PGLYRP4: variants seen among roughly 807,000 people sequenced by gnomAD.
PGLYRP4 encodes the protein peptidoglycan recognition protein 4.
In PGLYRP4, 39 loss-of-function variants were observed where a neutral mutation model predicts 41.2. That is an observed-to-expected ratio of 0.95 (90% CI 0.73 to 1.24). PGLYRP4 has a LOEUF of 1.24. Among genes scored for constraint, PGLYRP4 ranks in the 50% most tolerant of loss-of-function variants. The pLI is 0.00. For synonymous variants in PGLYRP4, 202 were observed against 186.8 expected (o/e 1.08, Z -0.66); for missense variants, 467 against 460.7 (o/e 1.01, Z -0.13).
Position 153,330,684 on chromosome 1 carries a change from G to C in PGLYRP4, c.*83C>G. The C allele has an allele frequency of 8.3e-7, 1 of 1,205,442 alleles. No individual in the cohort carries two copies. The highest frequency in any genetic ancestry group is 2.3e-5 in the East Asian group (1 of 42,602). The allele number at this position is 1,205,442 out of a possible 1,614,324, so 74.7% of individuals were successfully genotyped here. A position where few individuals can be genotyped will look rare whatever the true frequency, so the allele number is the denominator to read the frequency against. On this transcript the variant is annotated 3_prime_UTR_variant, in exon 9 of 9. Transcript: ENST00000359650. ...TGTGTGGCAGGGGAGGAGGGCAAAA[G>C]GTGTTGAGCCAAGCTGGATGGTTAG... is the stretch of plus-strand genomic sequence containing the variant.
chr1:153,339,519 T>C (rs1485631763), intron 7 of PGLYRP4, among the ~76,000 whole-genome samples: 1 of 152,234 alleles, frequency 6.6e-6, no homozygotes, highest in African/African-American at 2.4e-5. Context: ...ATATGCCAAA[T>C]GGTCTACCAG....
At chr1:153,332,175 A>C (rs927460083) in intron 8 of PGLYRP4, among the ~76,000 whole-genome samples, 4 of 152,172 alleles carry the variant, frequency 2.6e-5, no homozygotes, top group Non-Finnish European at 5.9e-5. Context: ...CACTATATCA[A>C]GTAAAACAGA....
chr1:153,347,695 G>GTTGT (rs1285574121), intron 2 of PGLYRP4, among the ~76,000 whole-genome samples, 189 bp downstream of exon 2: 1 of 150,306 alleles, frequency 6.7e-6, no homozygotes, highest in Non-Finnish European at 1.5e-5. Context: ...TTTTTTTGTT[G>GTTGT]TTGTTTGTTT....
At chr1:153,340,319 T>A in intron 7 of PGLYRP4, 62 bp downstream of exon 7, 1 of 1,470,140 alleles carries the variant, frequency 6.8e-7, no homozygotes, top group Middle Eastern at 1.7e-4. Context: ...TTCCCCTTCC[T>A]TTCAAAGGCT....
Position 153,330,798 on chromosome 1 carries a change from A to G in PGLYRP4, c.1091T>C (p.Ile364Thr), listed in dbSNP as rs1660304248. Residue 364 changes from isoleucine (I) to threonine (T), a missense_variant, in exon 9 of 9, where the codon ATC (isoleucine) becomes ACC (threonine). Coordinates refer to ENST00000359650, the MANE Select transcript of PGLYRP4 (RefSeq NM_020393.4). ...TTTGAAATGAGGCCAGGTGCTGATG[A>G]TGTTGTACAAAGCCTGCCCAGGAGA... ...TLSPGQALYN[I>T]ISTWPHFKH is the part of the protein sequence containing the mutation. The G allele has an allele frequency of 6.2e-7, 1 of 1,613,878 alleles. No individual in the cohort carries two copies. The highest frequency in any genetic ancestry group is 8.5e-7 in the Non-Finnish European group (1 of 1,179,920).
chr1:153,347,593 C>T (rs1356341790), intron 2 of PGLYRP4, among the ~76,000 whole-genome samples: 1 of 152,142 alleles, frequency 6.6e-6, no homozygotes, highest in South Asian at 2.1e-4. Context: ...AGGATGGTCT[C>T]GATCTCTTAA....
At chr1:153,332,033 A>G (rs774199591) in intron 8 of PGLYRP4, among the ~76,000 whole-genome samples, 1 of 152,014 alleles carries the variant, frequency 6.6e-6, no homozygotes, top group Non-Finnish European at 1.5e-5. Context: ...ACTAATGAAT[A>G]AAAACACAAA....
chr1:153,338,938 T>C (rs1660682746), intron 7 of PGLYRP4, among the ~76,000 whole-genome samples: 1 of 152,240 alleles, frequency 6.6e-6, no homozygotes, highest in African/African-American at 2.4e-5. Context: ...AAGAACCATA[T>C]CTGTGAGGCA....
intron 8 of PGLYRP4, 152 bp downstream of exon 8, chr1:153,337,029 A>G: frequency 1.4e-6 from 1 of 724,296 alleles, no homozygotes; most frequent in Admixed American, 2.1e-5. Context: ...CTCTGGTCAC[A>G]CTCAGCTGAG....
At position 153,343,105 on chromosome 1, in the gene PGLYRP4, A is replaced by C. The variant is rs752586278; in HGVS notation, c.457T>G (p.Phe153Val). ...TAACTGTTACCTTTCTTAGTGCCAAAGAAGGCAAAGCCCAGGGAGATGTTG... is the reference window on the plus strand; with the variant it reads ...TAACTGTTACCTTTCTTAGTGCCAACGAAGGCAAAGCCCAGGGAGATGTTG... ...YNNISLGFAF[F>V]GTKKGHSPSP... Residue 153 changes from phenylalanine (F) to valine (V), a missense_variant, in exon 5 of 9, where the codon TTT becomes GTT. Physicochemically the swap from Phe to Val is conservative, Grantham distance 50 (BLOSUM62 -1). Coordinates refer to ENST00000359650, the MANE Select transcript of PGLYRP4 (RefSeq NM_020393.4). 12 of 1,609,882 alleles carry C rather than the reference A, an allele frequency of 7.5e-6. No homozygotes were observed. In the South Asian group the frequency reaches 1.3e-4, roughly 18 times the overall value.
chr1:153,341,289 T>C (rs1226610736), intron 6 of PGLYRP4, among the ~76,000 whole-genome samples: 1 of 152,258 alleles, frequency 6.6e-6, no homozygotes, highest in Non-Finnish European at 1.5e-5. Context: ...TGAAACTTCA[T>C]GAGGCCAGGG....
At position 153,345,186 on chromosome 1, in the gene PGLYRP4, C is replaced by T; in HGVS notation, c.336G>A (p.Gly112=). ...GCTCTTACTTGTAGGCCACATCACA[C>T]CCACTGTTGTTGTGGACATGATGGG... ...LQAHHVHNNS[G]CDVAYNFLVG... is the part of the protein sequence containing the mutation. Residue 112 remains glycine (G), a synonymous_variant, in exon 4 of 9, where the codon GGG becomes GGA. Transcript: ENST00000359650. 1.2e-6 allele frequency: 2 copies of T among 1,612,018 alleles called. No individual in the cohort carries two copies. The highest frequency in any genetic ancestry group is 1.7e-6 in the Non-Finnish European group (2 of 1,179,430).
intron 6 of PGLYRP4, among the ~76,000 whole-genome samples, chr1:153,341,287 C>A (rs1308824102): frequency 2.0e-5 from 3 of 152,216 alleles, no homozygotes; most frequent in Admixed American, 2.0e-4. Flanking sequence ...ACTGAAACTT[C>A]ATGAGGCCAG....
At chr1:153,334,479 T>C (rs1660467619) in intron 8 of PGLYRP4, among the ~76,000 whole-genome samples, 1 of 145,784 alleles carries the variant, frequency 6.9e-6, no homozygotes, top group East Asian at 2.0e-4. Flanking sequence ...TATATATATT[T>C]ATATATATAT....
intron 8 of PGLYRP4, among the ~76,000 whole-genome samples, chr1:153,334,294 T>C (rs1489135894): frequency 6.6e-6 from 1 of 151,466 alleles, no homozygotes; most frequent in African/African-American, 2.4e-5. Flanking sequence ...CAATTCCATA[T>C]ACAATAGCTA....
intron 1 of PGLYRP4, 51 bp from the exon 2 acceptor site, chr1:153,348,029 C>T: frequency 2.0e-6 from 2 of 1,018,126 alleles, no homozygotes; most frequent in South Asian, 1.4e-5. Context: ...ATCTGCAGAG[C>T]ATCCCAAACC....
In PGLYRP4 at chr1:153,341,751, C is replaced by T. The variant is rs146158865; in HGVS notation, c.501G>A (p.Ser167=). The change falls in exon 6 of 9, where the codon TCG becomes TCA. Residue 167 remains serine, a synonymous_variant. Transcript: ENST00000359650. ...CATAGGTGATTAGGTTTTCCATGGC[C>T]GACAGGGCAGCAGGGCTGGGACTGT... ...KGHSPSPAAL[S]AMENLITYAV... The T allele has an allele frequency of 2.4e-5, 38 of 1,613,736 alleles. No individual in the cohort carries two copies. The highest frequency in any genetic ancestry group is 4.0e-5 in the African/African-American group (3 of 74,914).
intron 1 of PGLYRP4, among the ~76,000 whole-genome samples, chr1:153,348,186 AC>A (rs2101583568): frequency 6.6e-6 from 1 of 152,316 alleles, no homozygotes; most frequent in African/African-American, 2.4e-5. Flanking sequence ...CAATTTCATC[AC>A]GTGCCCACGG....
intron 8 of PGLYRP4, among the ~76,000 whole-genome samples, chr1:153,333,679 C>T (rs1173823397): frequency 1.3e-5 from 2 of 152,100 alleles, no homozygotes; most frequent in East Asian, 1.9e-4. Flanking sequence ...AAAAATCTAG[C>T]GAACTAAATC....
Sources: gnomAD v4.1 joint callset for allele counts (sites outside exome capture counted in the v4.1 genomes callset) on GRCh38, gnomAD v4.1.1 for gene constraint, MANE v1.5 for transcripts, NCBI Gene and HGNC (gene_info 2026-07-23, HGNC 2026-07-21) for gene names.